The following CLVS1 variants were observed in gnomAD, a reference collection of about 807,000 sequenced individuals.
CLVS1 encodes clavesin-1.
CLVS1 carries 10 observed loss-of-function variants against 33.1 expected under a neutral mutation model. The ratio of observed to expected loss-of-function variants is 0.30; its 90% CI spans 0.19 to 0.51. The LOEUF is 0.51. Among genes scored for constraint, CLVS1 ranks in the 20% least tolerant of loss-of-function variants. The pLI is 0.97. For missense variants in CLVS1, 343 were observed against 433.4 expected (o/e 0.79, Z 1.85); for synonymous variants, 163 against 166.1 (o/e 0.98, Z 0.14).
At chr8:61,397,220 GT>G (rs1401256316) in intron 3 of CLVS1, among the ~76,000 whole-genome samples, 2 of 151,622 alleles carry the variant, frequency 1.3e-5, no homozygotes, top group Non-Finnish European at 2.9e-5. Context: ...TTTTGTTCTT[GT>G]TTTTTTAAAT....
chr8:61,076,361 C>T (rs547104985), intron 1 of CLVS1, among the ~76,000 whole-genome samples: 2 of 152,294 alleles, frequency 1.3e-5, no homozygotes, highest in East Asian at 1.9e-4. Context: ...TCTCCTTAGC[C>T]TTTTCCTTTT....
At chr8:61,440,968 T>A (rs1816519170) in intron 3 of CLVS1, among the ~76,000 whole-genome samples, 1 of 152,228 alleles carries the variant, frequency 6.6e-6, no homozygotes, top group Non-Finnish European at 1.5e-5. Flanking sequence ...AAAGAGCATT[T>A]GGTGTGTAAC....
At chr8:61,172,957 A>G (rs1161061419) in intron 2 of CLVS1, among the ~76,000 whole-genome samples, 2 of 152,202 alleles carry the variant, frequency 1.3e-5, no homozygotes, top group African/African-American at 4.8e-5. Context: ...GGCTAGAACT[A>G]AGTTACATGG....
chr8:61,160,166 A>T (rs1033085191), intron 2 of CLVS1, among the ~76,000 whole-genome samples: 1 of 152,244 alleles, frequency 6.6e-6, no homozygotes. Context: ...CTGTTTGTAC[A>T]ACTTATAAGA....
intron 2 of CLVS1, among the ~76,000 whole-genome samples, chr8:61,351,453 A>T (rs1308895437): frequency 2.0e-5 from 3 of 152,082 alleles, no homozygotes; most frequent in Non-Finnish European, 2.9e-5. Flanking sequence ...CTGTGGGACA[A>T]TGTCATAAGA....
intron 2 of CLVS1, among the ~76,000 whole-genome samples, chr8:61,267,086 C>T (rs891832967): frequency 6.6e-6 from 1 of 152,128 alleles, no homozygotes; most frequent in African/African-American, 2.4e-5. Flanking sequence ...TGCCATTAAC[C>T]TATTATCTCA....
At chr8:61,447,296 C>G (rs969018177) in intron 3 of CLVS1, among the ~76,000 whole-genome samples, 2 of 152,020 alleles carry the variant, frequency 1.3e-5, no homozygotes, top group Non-Finnish European at 2.9e-5. Flanking sequence ...TTCTTATGGA[C>G]AGCATATATA....
intron 2 of CLVS1, among the ~76,000 whole-genome samples, chr8:61,310,946 C>T (rs1810809794): frequency 6.6e-6 from 1 of 152,262 alleles, no homozygotes. Flanking sequence ...ACTCCTTTTA[C>T]CCTTGTTTTT....
rs1423236007 is a variant in CLVS1, at chr8:61,242,709, G to A, written c.-151-56968G>A. Reference sequence around the variant, plus strand: ...TCTGGCTGAGGCAGGAGGATTGCTTGAGCCTGGGGCATTGAGTGAGCTGCA... The same window carrying A: ...TCTGGCTGAGGCAGGAGGATTGCTTAAGCCTGGGGCATTGAGTGAGCTGCA... On this transcript the variant is annotated intron_variant, in intron 2 of 2. Transcript: ENST00000522621. Among the ~76,000 whole-genome samples, 13 of 151,998 alleles carry A rather than the reference G, an allele frequency of 8.6e-5. No individual in the cohort carries two copies. In the East Asian group the frequency reaches 2.5e-3, roughly 29 times the overall value.
At chr8:60,974,034 C>T in the CLVS1 span, among the ~76,000 whole-genome samples, 1 of 152,308 alleles carries the variant, frequency 6.6e-6, no homozygotes, top group South Asian at 2.1e-4. Context: ...ATGGTTTTGT[C>T]AGTGATTGTG....
intron 1 of CLVS1, among the ~76,000 whole-genome samples, chr8:61,068,227 G>A (rs7817905): frequency 0.093 from 8,179 of 88,064 alleles, 419 homozygotes; most frequent in Admixed American, 0.13. Context: ...ATGTATGTAT[G>A]TGTATATATA....
intron 2 of CLVS1, among the ~76,000 whole-genome samples, chr8:61,353,144 A>G (rs1812542856): frequency 6.6e-6 from 1 of 152,054 alleles, no homozygotes; most frequent in Admixed American, 6.6e-5. Context: ...CCCCACCCTC[A>G]GCAACTGATA....
intron 2 of CLVS1, among the ~76,000 whole-genome samples, chr8:61,317,732 C>A (rs1811061173): frequency 6.6e-6 from 1 of 152,178 alleles, no homozygotes; most frequent in Non-Finnish European, 1.5e-5. Flanking sequence ...AGATGCTTAG[C>A]AGTATATTTT....
chr8:61,272,786 C>T (rs1383499950), intron 2 of CLVS1, among the ~76,000 whole-genome samples: 2 of 152,196 alleles, frequency 1.3e-5, no homozygotes, highest in African/African-American at 2.4e-5. Context: ...TTGATCACAT[C>T]GGCTCCTGAG....
At chr8:61,046,558 G>A in the CLVS1 span, among the ~76,000 whole-genome samples, 1 of 147,380 alleles carries the variant, frequency 6.8e-6, no homozygotes, top group African/African-American at 2.6e-5. Flanking sequence ...GGATGTCATT[G>A]AATCTATAAA....
chr8:61,288,991 G>A (rs564383389), intron 1 of CLVS1, among the ~76,000 whole-genome samples: 1 of 152,348 alleles, frequency 6.6e-6, no homozygotes, highest in East Asian at 1.9e-4. Context: ...TGAACTATTT[G>A]TTCCAATGTT....
chr8:60,988,486 C>A, the CLVS1 span, among the ~76,000 whole-genome samples: 1 of 151,948 alleles, frequency 6.6e-6, no homozygotes, highest in Admixed American at 6.6e-5. Context: ...TCCCTGCACA[C>A]CAGAACCAGA....
At chr8:60,990,631 C>G in the CLVS1 span, among the ~76,000 whole-genome samples, 2 of 151,832 alleles carry the variant, frequency 1.3e-5, no homozygotes, top group Admixed American at 6.6e-5. Context: ...GATAGATGAA[C>G]CATTTGTTCT....
At chr8:61,109,256 C>T (rs1805588481) in intron 1 of CLVS1, among the ~76,000 whole-genome samples, 2 of 151,854 alleles carry the variant, frequency 1.3e-5, no homozygotes, top group Admixed American at 6.6e-5. Flanking sequence ...TACTCTTAAA[C>T]AGTTGTTCCA....
Sources: gnomAD v4.1 joint callset for allele counts (sites outside exome capture counted in the v4.1 genomes callset) on GRCh38, gnomAD v4.1.1 for gene constraint, MANE v1.5 for transcripts, NCBI Gene and HGNC (gene_info 2026-07-23, HGNC 2026-07-21) for gene names.